PMP2: variants seen among roughly 807,000 people sequenced by gnomAD.
PMP2 encodes myelin P2 protein.
In PMP2, 11 loss-of-function variants were observed where a neutral mutation model predicts 15.9. The ratio of observed to expected loss-of-function variants is 0.69; its 90% CI spans 0.44 to 1.14. The LOEUF (loss-of-function observed/expected upper bound fraction) is 1.14. Among genes scored for constraint, PMP2 ranks in the 50% most tolerant of loss-of-function variants. The probability of loss-of-function intolerance (pLI) is 0.00; values close to 1 mark genes in which losing one functional copy is unlikely to be tolerated. For missense variants in PMP2, 151 were observed against 154.0 expected (o/e 0.98, Z 0.10); for synonymous variants, 55 against 54.1 (o/e 1.02, Z -0.07).
Position 81,440,933 on chromosome 8 carries a change from T to C in PMP2, c.*2465A>G, listed in dbSNP as rs188152769. On this transcript the variant is annotated 3_prime_UTR_variant, in exon 4 of 4. Transcript: ENST00000256103. ...TACTTCTTATCTGATTGACTGTCTA[T>C]ATTCCAATTTGCCAGTTGACCTAAC... 1 of 152,356 alleles carries C rather than the reference T, an allele frequency of 6.6e-6. No individual in the cohort carries two copies. Among genetic ancestry groups the C allele is most frequent in the Admixed American group, 6.5e-5 (1 of 15,308 alleles). 9.4% of individuals were successfully genotyped at this position (152,356 alleles called of 1,614,324 possible).
rs1406176526 is a variant in PMP2 at position 81,447,424 on chromosome 8, T to A, written c.-38A>T. On this transcript the variant is annotated 5_prime_UTR_variant, in exon 1 of 4. Transcript: ENST00000256103. ...GAGCTCAACACAGTTCTAAGTGGGA[T>A]TCAGAAGACTCAGATAAAATGCTGA... 1.3e-6 allele frequency: 2 copies of A among 1,524,184 alleles called. No homozygotes were observed. The highest frequency in any genetic ancestry group is 9.1e-7 in the Non-Finnish European group (1 of 1,098,214). 94.4% of individuals were successfully genotyped at this position (1,524,184 alleles called of 1,614,324 possible). A position where few individuals can be genotyped will look rare whatever the true frequency, so the allele number is the denominator to read the frequency against.
intron 1 of PMP2, among the ~76,000 whole-genome samples, chr8:81,445,929 T>C (rs1807441917): frequency 6.6e-6 from 1 of 151,998 alleles, no homozygotes; most frequent in African/African-American, 2.4e-5. Flanking sequence ...ATTTCAAAAA[T>C]GAAACAAAAT....
intron 1 of PMP2, among the ~76,000 whole-genome samples, chr8:81,445,899 T>C (rs1418045571): frequency 6.6e-6 from 1 of 152,084 alleles, no homozygotes; most frequent in East Asian, 1.9e-4. Context: ...AATAAAATAT[T>C]TTTTAAAAAA....
chr8:81,444,577 A>T lies in PMP2; in HGVS notation c.271T>A (p.Ser91Thr). The change falls in exon 3 of 4, where the codon TCA becomes ACA. Residue 91 changes from serine to threonine, a missense_variant. Coordinates refer to ENST00000256103, the MANE Select transcript of PMP2 (RefSeq NM_002677.5). ...TCCCATCTCTGCACTTGATTCAGTG[A>T]TCCTCTCTGCAGGGTTACGATGCTC... ...TKSIVTLQRG[S>T]LNQVQRWDGK... The T allele has an allele frequency of 6.2e-7, 1 of 1,613,860 alleles. No homozygotes were observed. The highest frequency in any genetic ancestry group is 8.5e-7 in the Non-Finnish European group (1 of 1,179,824).
chr8:81,444,027 A>T (rs527770861), intron 3 of PMP2, among the ~76,000 whole-genome samples: 33 of 152,220 alleles, frequency 2.2e-4, no homozygotes, highest in African/African-American at 7.9e-4. Context: ...TTCATCTGCC[A>T]ACTAGAAGTC....
Position 81,444,984 on chromosome 8 carries a change from C to G in PMP2, c.79G>C (p.Gly27Arg). Residue 27 changes from glycine (G) to arginine (R), a missense_variant, in exon 2 of 4, where the codon GGG (glycine) becomes CGG (arginine). Gly to Arg is a moderately radical substitution (Grantham distance 125). Transcript: ENST00000256103. Reference sequence around the variant, plus strand: ...TTTCCCAGTTTTCTGGTGGCTAACCCCACACCTGAAAATTAAGATAGTGTT... The same window carrying G: ...TTTCCCAGTTTTCTGGTGGCTAACCGCACACCTGAAAATTAAGATAGTGTT... ...FDDYMKALGV[G>R]LATRKLGNLA... is the part of the protein sequence containing the mutation. The G allele has an allele frequency of 6.2e-7, 1 of 1,611,886 alleles. No individual in the cohort carries two copies. Among genetic ancestry groups the G allele is most frequent in the Non-Finnish European group, 8.5e-7 (1 of 1,179,304 alleles).
chr8:81,446,875 T>C (rs1807456890), intron 1 of PMP2, among the ~76,000 whole-genome samples: 1 of 152,242 alleles, frequency 6.6e-6, no homozygotes, highest in South Asian at 2.1e-4. Flanking sequence ...GAGAAAAAAC[T>C]GTTAGTTTAG....
At chr8:81,447,018 C>T (rs1185672614) in intron 1 of PMP2, among the ~76,000 whole-genome samples, 2 of 152,208 alleles carry the variant, frequency 1.3e-5, no homozygotes, top group African/African-American at 4.8e-5. Context: ...TGCTTTTAAG[C>T]TTTCTCTCCT....
At position 81,442,811 on chromosome 8, in the gene PMP2, A is replaced by G. The variant is rs898896650; in HGVS notation, c.*587T>C. 1.3e-5 allele frequency: 2 copies of G among 152,102 alleles called. No homozygotes were observed. Among genetic ancestry groups the G allele is most frequent in the Admixed American group, 1.3e-4 (2 of 15,274 alleles). 9.4% of individuals were successfully genotyped at this position (152,102 alleles called of 1,614,324 possible). On this transcript the variant is annotated 3_prime_UTR_variant, in exon 4 of 4. Transcript: ENST00000256103. ...GGGATGTGAGTTATATTTAACTCAC[A>G]TTTACCTGTCTATAAATTATCTGTC...
At chr8:81,445,626 T>C (rs1807436354) in intron 1 of PMP2, among the ~76,000 whole-genome samples, 1 of 152,246 alleles carries the variant, frequency 6.6e-6, no homozygotes, top group South Asian at 2.1e-4. Flanking sequence ...AAATTACTAA[T>C]TATAGATTTG....
In PMP2 at chr8:81,445,414, G is replaced by A. The variant is rs527243478; in HGVS notation, c.74-425C>T. On this transcript the variant is annotated intron_variant, in intron 1 of 3. Transcript: ENST00000256103. ...AATTTTTTGTATTTTTAGTAGAGAC[G>A]GGGTTTCACCGTGTTAGCCAGGATG... 2.6e-5 allele frequency among the ~76,000 whole-genome samples: 4 copies of A among 152,050 alleles called. No individual in the cohort carries two copies. The South Asian group carries it at 8.3e-4, about 32-fold the overall frequency.
intron 3 of PMP2, 27 bp from the exon 4 acceptor site, chr8:81,443,475 T>G (rs1807393198): frequency 6.8e-7 from 1 of 1,474,352 alleles, no homozygotes; most frequent in Admixed American, 1.8e-5. Flanking sequence ...GTTAATTGAG[T>G]ATCTCAAGTT....
rs1371137284 is a variant in PMP2 at position 81,441,131 on chromosome 8, G to A, written c.*2267C>T. The stretch of plus-strand genomic sequence containing the variant: ...AAGAATTCAGTCAAAACCCCCTGTC[G>A]TTTCTGGTTGTTGTTGTTACAGTGA... On this transcript the variant is annotated 3_prime_UTR_variant, in exon 4 of 4. Transcript: ENST00000256103. The A allele has an allele frequency of 2.0e-5, 3 of 151,892 alleles. No individual in the cohort carries two copies. The highest frequency in any genetic ancestry group is 1.9e-4 in the East Asian group (1 of 5,192). The allele number at this position is 151,892 out of a possible 1,614,324, so 9.4% of individuals were successfully genotyped here. A position where few individuals can be genotyped will look rare whatever the true frequency, so the allele number is the denominator to read the frequency against.
rs539180704 is a variant in PMP2, at chr8:81,440,475, C to T, written c.*2923G>A. 2.0e-5 allele frequency: 3 copies of T among 152,116 alleles called. No individual in the cohort carries two copies. Among genetic ancestry groups the T allele is most frequent in the East Asian group, 1.9e-4 (1 of 5,182 alleles). The allele number at this position is 152,116 out of a possible 1,614,324, so 9.4% of individuals were successfully genotyped here. ...ACAAAACAACAATAACAACAAACAA[C>T]AACAATAAATAAAAAACCACTTAAC... On this transcript the variant is annotated 3_prime_UTR_variant, in exon 4 of 4. Transcript: ENST00000256103.
Position 81,444,900 on chromosome 8 carries a change from C to G in PMP2, c.163G>C (p.Glu55Gln). Residue 55 changes from glutamate (E) to glutamine (Q), a missense_variant, in exon 2 of 4, where the codon GAA (glutamate) becomes CAA (glutamine). Transcript: ENST00000256103. ...KKGDIITIRT[E>Q]STFKNTEISF... ...ATTTCTGTATTTTTAAAGGTACTTT[C>G]AGTTCGTATAGTTATAATATCTCCT... 2 of 1,613,686 alleles carry G rather than the reference C, an allele frequency of 1.2e-6. No individual in the cohort carries two copies. Among genetic ancestry groups the G allele is most frequent in the Non-Finnish European group, 1.7e-6 (2 of 1,179,580 alleles).
chr8:81,443,839 C>T (rs1807397841), intron 3 of PMP2, among the ~76,000 whole-genome samples: 1 of 152,074 alleles, frequency 6.6e-6, no homozygotes, highest in African/African-American at 2.4e-5. Context: ...GGTATTTACT[C>T]CCCAAGTAAA....
Position 81,443,302 on chromosome 8 carries a change from A to T in PMP2, c.*96T>A. ...TATCTGATATATTAAGACAAAAGCA[A>T]AAACAAATATTTGCAGTGTATTCAG... On this transcript the variant is annotated 3_prime_UTR_variant, in exon 4 of 4. Coordinates refer to ENST00000256103, the MANE Select transcript of PMP2 (RefSeq NM_002677.5). The T allele has an allele frequency of 1.2e-6, 1 of 820,358 alleles. No individual in the cohort carries two copies. Among genetic ancestry groups the T allele is most frequent in the Non-Finnish European group, 2.0e-6 (1 of 504,468 alleles). 50.8% of individuals were successfully genotyped at this position (820,358 alleles called of 1,614,324 possible).
In PMP2 at chr8:81,442,981, C is replaced by T. The variant is rs1807378146; in HGVS notation, c.*417G>A. The T allele has an allele frequency of 6.5e-6, 1 of 153,924 alleles. No individual in the cohort carries two copies. Among genetic ancestry groups the T allele is most frequent in the Non-Finnish European group, 1.4e-5 (1 of 69,312 alleles). 9.5% of individuals were successfully genotyped at this position (153,924 alleles called of 1,614,324 possible). A position where few individuals can be genotyped will look rare whatever the true frequency, so the allele number is the denominator to read the frequency against. On this transcript the variant is annotated 3_prime_UTR_variant, in exon 4 of 4. Coordinates refer to ENST00000256103, the MANE Select transcript of PMP2 (RefSeq NM_002677.5). ...ACATTATAATAGCCCATTCTCCTAG[C>T]TTGCCTCATTTCTGATGCTCCTTCC...
At chr8:81,445,487 T>C (rs1190362665) in intron 1 of PMP2, among the ~76,000 whole-genome samples, 1 of 152,188 alleles carries the variant, frequency 6.6e-6, no homozygotes, top group Non-Finnish European at 1.5e-5. Context: ...CCTTCCAAAG[T>C]GCTGGGATTA....
Sources: allele counts gnomAD v4.1 joint callset (sites outside exome capture counted in the v4.1 genomes callset), GRCh38; gene constraint gnomAD v4.1.1; transcripts MANE v1.5; gene names NCBI Gene and HGNC (gene_info 2026-07-23, HGNC 2026-07-21).